Variants in POSTN observed in about 807,000 individuals in gnomAD.
POSTN encodes periostin, also known as osteoblast specific factor 2 (fasciclin I-like).
Under a neutral mutation model 104.5 loss-of-function variants are expected in POSTN, and 71 were observed. The ratio of observed to expected loss-of-function variants is 0.68; its 90% CI spans 0.56 to 0.83. POSTN has a LOEUF of 0.83. Ranked by LOEUF, POSTN falls within the 40% of genes least tolerant of loss-of-function variation. POSTN has a pLI of 0.00. For synonymous variants in POSTN, 355 were observed against 340.7 expected, an observed-to-expected ratio of 1.04 and a Z score of -0.46; for missense variants, 949 against 1,006.8, an observed-to-expected ratio of 0.94 and a Z score of 0.78.
In POSTN at chr13:37,580,980, T is replaced by A. The variant is rs554561453; in HGVS notation, c.1393-283A>T. Among the ~76,000 whole-genome samples, 33 of 152,312 alleles carry A rather than the reference T, an allele frequency of 2.2e-4. No individual in the cohort carries two copies. The East Asian group carries it at 6.4e-3, about 29-fold the overall frequency. ...GTTCCATGGAATCCCACTTCTACATTTTTTATAATTTCTATTCAGATTTGA... is the reference window on the plus strand; with the variant it reads ...GTTCCATGGAATCCCACTTCTACATATTTTATAATTTCTATTCAGATTTGA... On this transcript the variant is annotated intron_variant, in intron 10 of 22. Transcript: ENST00000379747.
intron 4 of POSTN, among the ~76,000 whole-genome samples, chr13:37,588,917 G>A (rs1950840769): frequency 6.6e-6 from 1 of 152,142 alleles, no homozygotes; most frequent in Admixed American, 6.5e-5. Flanking sequence ...GTAATGTACA[G>A]CAGAAATTAG....
rs752744910 is a variant in POSTN, at chr13:37,564,551, A to T, written c.2441T>A (p.Val814Glu). Residue 814 changes from valine to glutamate, a missense_variant, in exon 22 of 23, where the codon GTG becomes GAG. Transcript: ENST00000379747. The part of the protein sequence containing the change: ...IKRLLQGDTP[V>E]RKLQANKKVQ... ...TTTTTTGTTGGCTTGCAACTTCCTC[A>T]CGGGTGTGTCTAAAATTAAATTGTT... 14 of 1,598,428 alleles carry T rather than the reference A, an allele frequency of 8.8e-6. No homozygotes were observed. In the African/African-American group the frequency reaches 1.7e-4, roughly 20 times the overall value.
chr13:37,596,262 C>A (rs189883306), intron 2 of POSTN, among the ~76,000 whole-genome samples: 2 of 152,230 alleles, frequency 1.3e-5, no homozygotes, highest in Admixed American at 6.5e-5. Context: ...GGGTGGACTT[C>A]AAATTAATAG....
At chr13:37,566,878 T>C (rs1259086022) in intron 21 of POSTN, among the ~76,000 whole-genome samples, 1 of 152,134 alleles carries the variant, frequency 6.6e-6, no homozygotes, top group Non-Finnish European at 1.5e-5. Flanking sequence ...AAGTACCAGT[T>C]AGCCATGTTA....
chr13:37,592,041 C>T, intron 3 of POSTN, 59 bp downstream of exon 3: 1 of 1,226,912 alleles, frequency 8.2e-7, no homozygotes, highest in Non-Finnish European at 1.2e-6. Context: ...CTCCACAAGC[C>T]ACCTCAACCC....
rs142899035 is a variant in POSTN at position 37,588,549 on chromosome 13, G to GT, written c.442-564dup. Among the ~76,000 whole-genome samples, 1,059 of 152,266 alleles carry GT rather than the reference G, an allele frequency of 7.0e-3. 15 individuals are homozygous for GT. Among genetic ancestry groups the GT allele is most frequent in the African/African-American group, 0.024 (1,007 of 41,562 alleles). On this transcript the variant is annotated intron_variant, in intron 4 of 22. Coordinates refer to ENST00000379747, the MANE Select transcript of POSTN (RefSeq NM_006475.3). ...ATAGCAGCAGGTAAAAGTAGACAGA[G>GT]TAAGATATAGGACAGAGGGGAAAAA...
At chr13:37,585,322 G>A (rs369397985) in intron 7 of POSTN, among the ~76,000 whole-genome samples, 1 of 152,030 alleles carries the variant, frequency 6.6e-6, no homozygotes, top group Non-Finnish European at 1.5e-5. Context: ...TGAGAGGATT[G>A]TTTGAGGCCG....
At chr13:37,589,057 G>A (rs1162671664) in intron 4 of POSTN, among the ~76,000 whole-genome samples, 1 of 152,154 alleles carries the variant, frequency 6.6e-6, no homozygotes, top group Admixed American at 6.6e-5. Context: ...ACTGCCAATT[G>A]TGGGGAAAAG....
In POSTN at chr13:37,587,046, C is replaced by T. The variant is rs947800853; in HGVS notation, c.607-118G>A. 5 of 834,086 alleles carry T rather than the reference C, an allele frequency of 6.0e-6. No homozygotes were observed. In the African/African-American group the frequency reaches 7.2e-5, roughly 12 times the overall value. The allele number at this position is 834,086 out of a possible 1,614,324, so 51.7% of individuals were successfully genotyped here. ...AGTAAATGTAACATACAGGAAACTA[C>T]ATTGTAAATGTAAACGCTGTGGATG... On this transcript the variant is annotated intron_variant, in intron 5 of 22. Coordinates refer to ENST00000379747, the MANE Select transcript of POSTN (RefSeq NM_006475.3).
chr13:37,598,760 A>G lies in POSTN; in HGVS notation c.-34T>C. 1 of 1,608,268 alleles carries G rather than the reference A, an allele frequency of 6.2e-7. No homozygotes were observed. The highest frequency in any genetic ancestry group is 1.1e-5 in the South Asian group (1 of 90,466). On this transcript the variant is annotated 5_prime_UTR_variant, in exon 1 of 23. Coordinates refer to ENST00000379747, the MANE Select transcript of POSTN (RefSeq NM_006475.3). ...TCTCCGTTGCAGTTAGTCCCCGAAG[A>G]GAACTGGCAGTGGGCTTTGGAGAGC... is the stretch of plus-strand genomic sequence containing the variant.
Position 37,586,877 on chromosome 13 carries a change from T to A in POSTN, c.658A>T (p.Asn220Tyr). The change falls in exon 6 of 23, where the codon AAT becomes TAT. Residue 220 changes from asparagine (N) to tyrosine (Y), a missense_variant. Transcript: ENST00000379747. Reference sequence around the variant, plus strand: ...CGGTCAATGACATGGACAACACCATTTGTTGCAATCTGGTTCCCATGGATG... The same window carrying A: ...CGGTCAATGACATGGACAACACCATATGTTGCAATCTGGTTCCCATGGATG... The part of the protein sequence containing the change: ...RIIHGNQIAT[N>Y]GVVHVIDRVL... 6.2e-7 allele frequency: 1 copy of A among 1,613,240 alleles called. No homozygotes were observed. Among genetic ancestry groups the A allele is most frequent in the Non-Finnish European group, 8.5e-7 (1 of 1,179,346 alleles).
intron 4 of POSTN, 83 bp from the exon 5 acceptor site, chr13:37,588,069 T>A: frequency 9.0e-7 from 1 of 1,110,260 alleles, no homozygotes; most frequent in Non-Finnish European, 1.3e-6. Flanking sequence ...TCTACTCTCT[T>A]GCTATTTTCT....
chr13:37,574,463 T>C (rs1950349356), intron 17 of POSTN, 109 bp downstream of exon 17: 1 of 1,390,350 alleles, frequency 7.2e-7, no homozygotes, highest in African/African-American at 1.5e-5. Flanking sequence ...ATTGGTTATA[T>C]AACATTTAAC....
At chr13:37,597,567 C>A (rs912370873) in intron 1 of POSTN, among the ~76,000 whole-genome samples, 1 of 152,064 alleles carries the variant, frequency 6.6e-6, no homozygotes, top group Non-Finnish European at 1.5e-5. Flanking sequence ...ACAGTATGAA[C>A]GTAATTTTAT....
intron 4 of POSTN, 118 bp from the exon 5 acceptor site, chr13:37,588,104 A>C: frequency 1.2e-6 from 1 of 812,312 alleles, no homozygotes; most frequent in Non-Finnish European, 2.0e-6. Context: ...ATGGTCATAC[A>C]AAATTGACAT....
rs372921415 is a variant in POSTN, at chr13:37,586,906, C to G, written c.629G>C (p.Arg210Pro). ...TGCAATCTGGTTCCCATGGATGATT[C>G]GAGCACAATTAACAGTGACAACCTA... is the stretch of plus-strand genomic sequence containing the variant. ...PNGVVTVNCA[R>P]IIHGNQIATN... The change falls in exon 6 of 23, where the codon CGA (arginine) becomes CCA (proline). Residue 210 changes from arginine (R) to proline (P), a missense_variant. Physicochemically the swap from Arg to Pro is moderately radical, Grantham distance 103. Coordinates refer to ENST00000379747, the MANE Select transcript of POSTN (RefSeq NM_006475.3). The G allele has an allele frequency of 6.2e-7, 1 of 1,613,254 alleles. No homozygotes were observed. Among genetic ancestry groups the G allele is most frequent in the Non-Finnish European group, 8.5e-7 (1 of 1,179,590 alleles).
At chr13:37,592,725 AC>A (rs1418113678) in intron 2 of POSTN, among the ~76,000 whole-genome samples, 1 of 152,172 alleles carries the variant, frequency 6.6e-6, no homozygotes, top group Non-Finnish European at 1.5e-5. Flanking sequence ...TGACATGTGA[AC>A]CTTGAGCAAG....
intron 2 of POSTN, among the ~76,000 whole-genome samples, chr13:37,593,695 A>C (rs1342305697): frequency 6.6e-6 from 1 of 151,536 alleles, no homozygotes; most frequent in Non-Finnish European, 1.5e-5. Context: ...TTAGACATGA[A>C]AGAGATCGCC....
chr13:37,563,368 A>G lies in POSTN; in HGVS notation c.2476T>C (p.Ser826Pro). Reference protein sequence around the residue: ...KLQANKKVQGSRRRLREGRSQ With the variant: ...KLQANKKVQGPRRRLREGRSQ ...CGACCTTCCCTTAATCGTCTTCTAG[A>G]TCCTAATTAGAAAGAAAGGAGAATG... The change falls in exon 23 of 23, where the codon TCT becomes CCT. Residue 826 changes from serine (S) to proline (P), a missense_variant and splice_region_variant. Transcript: ENST00000379747. 6.3e-7 allele frequency: 1 copy of G among 1,578,762 alleles called. No individual in the cohort carries two copies. Among genetic ancestry groups the G allele is most frequent in the Non-Finnish European group, 8.7e-7 (1 of 1,154,356 alleles).
Sources: gnomAD v4.1 joint callset for allele counts (sites outside exome capture counted in the v4.1 genomes callset) on GRCh38, gnomAD v4.1.1 for gene constraint, MANE v1.5 for transcripts, NCBI Gene and HGNC (gene_info 2026-07-23, HGNC 2026-07-21) for gene names.